The following MGA variants were observed in gnomAD, a reference collection of about 807,000 sequenced individuals.
MGA encodes the protein MAX gene-associated protein.
MGA carries 40 observed loss-of-function variants against 261.1 expected under a neutral mutation model. The observed-to-expected ratio is 0.15, with a 90% CI of 0.12 to 0.20. The LOEUF (loss-of-function observed/expected upper bound fraction) is 0.20. MGA is among the 10% of genes least tolerant of loss of function. MGA has a pLI of 1.00. For synonymous variants in MGA, 1,302 were observed against 1,290.6 expected (o/e 1.01, Z -0.19); for missense variants, 3,397 against 3,630.5 (o/e 0.94, Z 1.65).
intron 2 of MGA, among the ~76,000 whole-genome samples, chr15:41,677,894 T>C (rs1004926220): frequency 6.6e-6 from 1 of 152,134 alleles, no homozygotes; most frequent in Admixed American, 6.6e-5. Context: ...TTCATTCTTA[T>C]ATAGTGTGTT....
intron 7 of MGA, among the ~76,000 whole-genome samples, chr15:41,709,193 C>G (rs368938619): frequency 9.2e-5 from 14 of 151,998 alleles, no homozygotes; most frequent in African/African-American, 3.1e-4. Context: ...CAAAAAAATG[C>G]AAAAACAGCC....
intron 1 of MGA, among the ~76,000 whole-genome samples, chr15:41,624,957 CAG>C (rs1241567027): frequency 2.0e-5 from 3 of 152,122 alleles, no homozygotes; most frequent in Non-Finnish European, 4.4e-5. Context: ...GCCTGGGTAA[CAG>C]AGTGAGACCC....
At chr15:41,697,338 T>TAAA (rs1463197319) in intron 3 of MGA, among the ~76,000 whole-genome samples, 2 of 152,178 alleles carry the variant, frequency 1.3e-5, no homozygotes, top group Non-Finnish European at 2.9e-5. Context: ...TGGAAAGGAC[T>TAAA]AAAAATACAT....
intron 2 of MGA, among the ~76,000 whole-genome samples, chr15:41,671,121 T>C (rs1410143694): frequency 2.0e-5 from 3 of 152,186 alleles, no homozygotes; most frequent in Non-Finnish European, 2.9e-5. Flanking sequence ...CCTCCTCAGA[T>C]ACAGAAAGTT....
chr15:41,673,213 TTC>T (rs2150995575), intron 2 of MGA, among the ~76,000 whole-genome samples: 1 of 152,168 alleles, frequency 6.6e-6, no homozygotes, highest in South Asian at 2.1e-4. Flanking sequence ...TAGTTTTTCT[TTC>T]TTTCTTTTTT....
chr15:41,752,347 T>C (rs779432537), intron 17 of MGA: 7 of 152,218 alleles, frequency 4.6e-5, no homozygotes, highest in Non-Finnish European at 8.8e-5. Context: ...ATTTGACTTA[T>C]ACCTTCTCTC....
chr15:41,704,730 T>C (rs1169288622), intron 5 of MGA, among the ~76,000 whole-genome samples: 2 of 152,226 alleles, frequency 1.3e-5, no homozygotes, highest in African/African-American at 4.8e-5. Flanking sequence ...TTCTATTCTG[T>C]GTTTACTACT....
rs1054848771 is a variant in MGA at position 41,683,918 on chromosome 15, TA to T, written c.1065-12149del. 1.4e-3 allele frequency among the ~76,000 whole-genome samples: 216 copies of T among 151,986 alleles called. 1 individual carries two copies. The highest frequency in any genetic ancestry group is 4.9e-3 in the African/African-American group (205 of 41,456). ...TTGTTTTTTTTCCCTTTCCTTTTTT[TA>T]AAAAAAATTATTTTTATTTTATTTT... On this transcript the variant is annotated intron_variant, in intron 2 of 23. Transcript: ENST00000219905.
chr15:41,755,568 C>A (rs1031064574), intron 18 of MGA, among the ~76,000 whole-genome samples: 1 of 152,138 alleles, frequency 6.6e-6, no homozygotes, highest in African/African-American at 2.4e-5. Flanking sequence ...CATTCTCTGA[C>A]AAGCTGTGTA....
Position 41,754,516 on chromosome 15 carries a change from A to G in MGA, c.7088A>G (p.Asn2363Ser), listed in dbSNP as rs1041893608. The G allele has an allele frequency of 3.8e-6, 6 of 1,584,780 alleles. No individual in the cohort carries two copies. The highest frequency in any genetic ancestry group is 1.3e-5 in the African/African-American group (1 of 74,506). ...GTAGAAGAGCTCTCAGAGGAAATTA[A>G]TGTTGCTCACCTGAAGACCACAGCG... Residue 2363 changes from asparagine to serine, a missense_variant, in exon 18 of 24, where the codon AAT becomes AGT. By Grantham distance (46) the Asn-to-Ser change is conservative. Coordinates refer to ENST00000219905, the MANE Select transcript of MGA (RefSeq NM_001164273.2).
intron 1 of MGA, among the ~76,000 whole-genome samples, chr15:41,638,082 G>A (rs1305839704): frequency 9.2e-6 from 1 of 108,862 alleles, no homozygotes; most frequent in Non-Finnish European, 1.7e-5. Context: ...TTGCTCTGTC[G>A]CCCAGGCTGG....
chr15:41,642,827 C>G (rs2056850924), intron 1 of MGA, among the ~76,000 whole-genome samples: 1 of 151,346 alleles, frequency 6.6e-6, no homozygotes, highest in South Asian at 2.1e-4. Context: ...CCAGGCTGGT[C>G]TCGAACTTCT....
At chr15:41,729,454 G>GTCA (rs563863981) in intron 11 of MGA, 105 bp downstream of exon 11, 15 of 1,105,664 alleles carry the variant, frequency 1.4e-5, no homozygotes, top group Non-Finnish European at 1.9e-5. Context: ...GGGCAGAGAA[G>GTCA]TCATACATGA....
chr15:41,696,784 A>G lies in MGA; in HGVS notation c.1774A>G (p.Lys592Glu). Residue 592 changes from lysine (K) to glutamate (E), a missense_variant, in exon 3 of 24, where the codon AAG becomes GAG. By Grantham distance (56) the Lys-to-Glu change is moderately conservative (BLOSUM62 1). This residue lies in a region of MGA where 563 missense variants were observed against 563.6 expected (regional missense o/e 1.00). Coordinates refer to ENST00000219905, the MANE Select transcript of MGA (RefSeq NM_001164273.2). ...GGGCAGAAAGAGAACAACTATGCTTAAGATTGCAACAGCCGCAAAGGTAGT... is the reference window on the plus strand; with the variant it reads ...GGGCAGAAAGAGAACAACTATGCTTGAGATTGCAACAGCCGCAAAGGTAGT... The G allele has an allele frequency of 3.1e-6, 5 of 1,607,112 alleles. No homozygotes were observed. Among genetic ancestry groups the G allele is most frequent in the Admixed American group, 1.7e-5 (1 of 58,578 alleles).
At chr15:41,637,845 A>G (rs767908985) in intron 1 of MGA, among the ~76,000 whole-genome samples, 25 of 151,622 alleles carry the variant, frequency 1.6e-4, no homozygotes, top group Non-Finnish European at 3.1e-4. Context: ...CCCGGCTTCA[A>G]GAGATTCTCC....
chr15:41,622,399 G>C (rs11639249), intron 1 of MGA, among the ~76,000 whole-genome samples: 108,623 of 148,434 alleles, frequency 0.73, 41,486 homozygotes, highest in East Asian at 0.89. Context: ...CCGCCACCCC[G>C]CCAAAAAAAA....
At chr15:41,721,307 A>G (rs1431606619) in intron 9 of MGA, among the ~76,000 whole-genome samples, 1 of 152,120 alleles carries the variant, frequency 6.6e-6, no homozygotes, top group African/African-American at 2.4e-5. Context: ...ATCTCTACCA[A>G]AAATACAAAA....
intron 8 of MGA, among the ~76,000 whole-genome samples, 198 bp downstream of exon 8, chr15:41,711,547 A>G (rs905494576): frequency 6.7e-6 from 1 of 149,622 alleles, no homozygotes; most frequent in African/African-American, 2.5e-5. Flanking sequence ...TTCTCCTGCC[A>G]TCAGAGAGAG....
chr15:41,664,751 A>G (rs1227007659), intron 1 of MGA, among the ~76,000 whole-genome samples: 3 of 149,366 alleles, frequency 2.0e-5, no homozygotes, highest in African/African-American at 7.4e-5. Flanking sequence ...TTGTAGAGGT[A>G]TTTTTTTTTT....
Sources: allele counts gnomAD v4.1 joint callset (sites outside exome capture counted in the v4.1 genomes callset), GRCh38; gene constraint gnomAD v4.1.1; regional missense constraint gnomAD v4.1.1; transcripts MANE v1.5; gene names NCBI Gene and HGNC (gene_info 2026-07-23, HGNC 2026-07-21).